The following GAL3ST4 variants were observed in gnomAD, a reference collection of about 807,000 sequenced individuals.
The protein encoded by GAL3ST4 is beta-galactose-3-O-sulfotransferase 4.
Under a neutral mutation model 31.6 loss-of-function variants are expected in GAL3ST4, and 30 were observed. The observed-to-expected ratio is 0.95, with a 90% CI of 0.71 to 1.29. The LOEUF (loss-of-function observed/expected upper bound fraction) is 1.29, where lower values mean the gene tolerates loss of function less well. Among genes scored for constraint, GAL3ST4 ranks in the 50% most tolerant of loss-of-function variants. GAL3ST4 has a pLI of 0.00. For missense variants in GAL3ST4, 629 were observed against 625.2 expected, an observed-to-expected ratio of 1.01 and a Z score of -0.06; for synonymous variants, 248 against 256.9, an observed-to-expected ratio of 0.97 and a Z score of 0.33.
Position 100,160,380 on chromosome 7 carries a change from T to C in GAL3ST4, c.1009A>G (p.Lys337Glu). 6.2e-7 allele frequency: 1 copy of C among 1,614,052 alleles called. No homozygotes were observed. The highest frequency in any genetic ancestry group is 1.1e-5 in the South Asian group (1 of 91,076). Residue 337 changes from lysine to glutamate, a missense_variant, in exon 4 of 4, where the codon AAG becomes GAG. By Grantham distance (56) the Lys-to-Glu change is moderately conservative. Coordinates refer to ENST00000360039, the MANE Select transcript of GAL3ST4 (RefSeq NM_024637.5). ...GFMHNAQAGHKQGLSTVSNSG... is the reference protein window; with the variant it reads ...GFMHNAQAGHEQGLSTVSNSG... ...TTGCTGACAGTGCTGAGGCCCTGCT[T>C]ATGTCCAGCCTGGGCATTGTGCATG...
rs150985601 is a variant in GAL3ST4, at chr7:100,161,138, A to G, written c.430-179T>C. On this transcript the variant is annotated intron_variant, in intron 3 of 3. Transcript: ENST00000360039. The stretch of plus-strand genomic sequence containing the variant: ...AGTTACTTAACATCTCTGAGACTCA[A>G]TTTGCTTATCTGCAAATGGGGATAA... Among the ~76,000 whole-genome samples the G allele has an allele frequency of 2.7e-3, 414 of 152,290 alleles. 5 individuals carry two copies. Among genetic ancestry groups the G allele is most frequent in the African/African-American group, 9.1e-3 (377 of 41,566 alleles).
At chr7:100,161,622 C>T (rs1245501937) in intron 3 of GAL3ST4, among the ~76,000 whole-genome samples, 2 of 140,346 alleles carry the variant, frequency 1.4e-5, no homozygotes, top group Non-Finnish European at 3.0e-5. Flanking sequence ...CTGCACTTGA[C>T]AGCCTGGCCA....
rs965220630 is a variant in GAL3ST4, at chr7:100,160,038, A to G, written c.1351T>C (p.Cys451Arg). The change falls in exon 4 of 4, where the codon TGT becomes CGT. Residue 451 changes from cysteine (C) to arginine (R), a missense_variant. Cys to Arg is a radical substitution (Grantham distance 180, BLOSUM62 -3). Coordinates refer to ENST00000360039, the MANE Select transcript of GAL3ST4 (RefSeq NM_024637.5). Reference sequence around the variant, plus strand: ...AGCTCAGGGGTAGCTAGGCGCTCACATTCCTCTTGGTCTTGGGGGCTCAAT... The same window carrying G: ...AGCTCAGGGGTAGCTAGGCGCTCACGTTCCTCTTGGTCTTGGGGGCTCAAT... ...SGLSPQDQEE[C>R]ERLATPELQY... 8.1e-6 allele frequency: 13 copies of G among 1,614,030 alleles called. No homozygotes were observed. The highest frequency in any genetic ancestry group is 1.6e-4 in the Middle Eastern group (1 of 6,062).
In GAL3ST4 at chr7:100,160,333, G is replaced by A; in HGVS notation, c.1056C>T (p.Asp352=). The change falls in exon 4 of 4, where the codon GAC becomes GAT. Residue 352 remains aspartate, a synonymous_variant. Transcript: ENST00000360039. The part of the protein sequence containing the change: ...TVSNSGLTAE[D]RQLTARARAW... ...CTCGGGCCCGTGCAGTCAGCTGCCG[G>A]TCCTCCGCAGTCAGTCCACTGTTGC... is the stretch of plus-strand genomic sequence containing the variant. The A allele has an allele frequency of 6.2e-7, 1 of 1,613,916 alleles. No individual in the cohort carries two copies. The highest frequency in any genetic ancestry group is 8.5e-7 in the Non-Finnish European group (1 of 1,179,970).
At chr7:100,165,610 C>T (rs555743222) in intron 3 of GAL3ST4, among the ~76,000 whole-genome samples, 8 of 151,814 alleles carry the variant, frequency 5.3e-5, no homozygotes, top group Non-Finnish European at 1.0e-4. Flanking sequence ...GTGGGAGGAT[C>T]ATTTGAGGCC....
chr7:100,164,897 C>G (rs965197994), intron 3 of GAL3ST4, among the ~76,000 whole-genome samples: 14 of 140,726 alleles, frequency 9.9e-5, no homozygotes, highest in African/African-American at 3.4e-4. Context: ...TTTTTTGAGA[C>G]AGAGTCTCAC....
intron 3 of GAL3ST4, among the ~76,000 whole-genome samples, chr7:100,165,636 G>A (rs1799059498): frequency 6.6e-6 from 1 of 151,782 alleles, no homozygotes; most frequent in African/African-American, 2.4e-5. Context: ...GGGCAACATA[G>A]TGAGACTCCA....
chr7:100,161,371 G>A (rs966588774), intron 3 of GAL3ST4, among the ~76,000 whole-genome samples: 15 of 151,992 alleles, frequency 9.9e-5, no homozygotes, highest in African/African-American at 3.4e-4. Context: ...CTAAAAAGCC[G>A]GGCATGGTGG....
Position 100,165,215 on chromosome 7 carries a change from G to C in GAL3ST4, c.429+1287C>G, listed in dbSNP as rs2116973568. 2.6e-5 allele frequency among the ~76,000 whole-genome samples: 4 copies of C among 151,914 alleles called. 1 individual carries two copies. In the South Asian group the frequency reaches 8.3e-4, roughly 32 times the overall value. ...AAATGGAGTCTCGCTCTGTTGCCCA[G>C]GCTGGAGTGCAGTGGCACAATCTCG... On this transcript the variant is annotated intron_variant, in intron 3 of 3. Transcript: ENST00000360039.
chr7:100,164,535 G>A (rs1206118890), intron 3 of GAL3ST4, among the ~76,000 whole-genome samples: 3 of 151,976 alleles, frequency 2.0e-5, no homozygotes, highest in Admixed American at 6.6e-5. Context: ...CGTGGTGGCG[G>A]GTGCCTGTAG....
rs564807878 is a variant in GAL3ST4, at chr7:100,159,602, C to G, written c.*326G>C. 4.4e-6 allele frequency: 1 copy of G among 228,102 alleles called. No homozygotes were observed. The highest frequency in any genetic ancestry group is 2.3e-5 in the African/African-American group (1 of 43,718). The allele number at this position is 228,102 out of a possible 1,614,324, so 14.1% of individuals were successfully genotyped here. On this transcript the variant is annotated 3_prime_UTR_variant, in exon 4 of 4. Transcript: ENST00000360039. ...GGGTATGGTGGCACGTATCTGTAAT[C>G]CTAGCTACTCTGGAGGCTGAGGCAG...
chr7:100,159,869 C>T lies in GAL3ST4; in HGVS notation c.*59G>A. 2.2e-6 allele frequency: 3 copies of T among 1,388,358 alleles called. No homozygotes were observed. The highest frequency in any genetic ancestry group is 3.0e-6 in the Non-Finnish European group (3 of 1,008,518). The allele number at this position is 1,388,358 out of a possible 1,614,324, so 86.0% of individuals were successfully genotyped here. A position where few individuals can be genotyped will look rare whatever the true frequency, so the allele number is the denominator to read the frequency against. On this transcript the variant is annotated 3_prime_UTR_variant, in exon 4 of 4. Coordinates refer to ENST00000360039, the MANE Select transcript of GAL3ST4 (RefSeq NM_024637.5). ...AGAAATGGCATCTTGCTGCCCCCCA[C>T]TCATCACATGTGCCCTTCAAACATG... is the stretch of plus-strand genomic sequence containing the variant.
At chr7:100,161,025 A>G (rs143472420) in intron 3 of GAL3ST4, 66 bp from the exon 4 acceptor site, 290 of 1,378,230 alleles carry the variant, frequency 2.1e-4, no homozygotes, top group Non-Finnish European at 2.5e-4. Context: ...AAGTATGCAC[A>G]AGCCATGTGT....
rs1457701818 is a variant in GAL3ST4, at chr7:100,159,830, C to T, written c.*98G>A. The T allele has an allele frequency of 2.3e-5, 24 of 1,057,924 alleles. No homozygotes were observed. The highest frequency in any genetic ancestry group is 3.1e-5 in the Non-Finnish European group (22 of 718,964). The allele number at this position is 1,057,924 out of a possible 1,614,324, so 65.5% of individuals were successfully genotyped here. ...CTTGCATCGGGACAAAGACTCATCC[C>T]TTCTGGGAGATGCAGAAATGGCATC... On this transcript the variant is annotated 3_prime_UTR_variant, in exon 4 of 4. Transcript: ENST00000360039.
At position 100,166,666 on chromosome 7, in the gene GAL3ST4, A is replaced by G. The variant is rs1241918825; in HGVS notation, c.265T>C (p.Tyr89His). The change falls in exon 3 of 4, where the codon TAT (tyrosine) becomes CAT (histidine). Residue 89 changes from tyrosine (Y) to histidine (H), a missense_variant. By Grantham distance (83) the Tyr-to-His change is moderately conservative (BLOSUM62 2). Coordinates refer to ENST00000360039, the MANE Select transcript of GAL3ST4 (RefSeq NM_024637.5). ...AAGCGCAGCCCGTGCTGGTCCCCATAGCGGTGAAGCAGGCTCAGCACAGAG... is the reference window on the plus strand; with the variant it reads ...AAGCGCAGCCCGTGCTGGTCCCCATGGCGGTGAAGCAGGCTCAGCACAGAG... ...SSSVLSLLHR[Y>H]GDQHGLRFAL... 1.2e-6 allele frequency: 2 copies of G among 1,614,192 alleles called. No homozygotes were observed. The highest frequency in any genetic ancestry group is 1.1e-5 in the South Asian group (1 of 91,092).
rs1337855715 is a variant in GAL3ST4 at position 100,160,129 on chromosome 7, A to G, written c.1260T>C (p.Thr420=). ...ACTGGAAGGGGCGGAACCGGCGATC[A>G]GTGATGTATTTGGGGTCAGAAGCCT... The part of the protein sequence containing the change: ...GGEASDPKYI[T]DRRFRPFQFG... The change falls in exon 4 of 4, where the codon ACT becomes ACC. Residue 420 remains threonine (T), a synonymous_variant. Transcript: ENST00000360039. The G allele has an allele frequency of 1.2e-6, 2 of 1,613,888 alleles. No individual in the cohort carries two copies. The highest frequency in any genetic ancestry group is 2.7e-5 in the African/African-American group (2 of 74,932).
At chr7:100,166,835 T>C in intron 2 of GAL3ST4, 30 bp from the exon 3 acceptor site, 4 of 1,569,284 alleles carry the variant, frequency 2.5e-6, no homozygotes, top group Non-Finnish European at 3.5e-6. Context: ...GAGTGTCCTG[T>C]TCCTCAGCAG....
At position 100,166,571 on chromosome 7, in the gene GAL3ST4, G is replaced by A. The variant is rs773732675; in HGVS notation, c.360C>T (p.Arg120=). The A allele has an allele frequency of 5.0e-6, 8 of 1,614,226 alleles. No homozygotes were observed. Among genetic ancestry groups the A allele is most frequent in the Non-Finnish European group, 6.8e-6 (8 of 1,180,042 alleles). Reference sequence around the variant, plus strand: ...GGAGCTGGGTGCCTCCACCCTGTGGGCGGTAGCCTTTTACCCTAGAGGCCT... The same window carrying A: ...GGAGCTGGGTGCCTCCACCCTGTGGACGGTAGCCTTTTACCCTAGAGGCCT... ...LFQASRVKGY[R]PQGGGTQLPF... is the part of the protein sequence containing the mutation. Residue 120 remains arginine, a synonymous_variant, in exon 3 of 4, where the codon CGC becomes CGT. Transcript: ENST00000360039.
chr7:100,166,421 C>A, intron 3 of GAL3ST4, 81 bp downstream of exon 3: 1 of 1,437,146 alleles, frequency 7.0e-7, no homozygotes, highest in Non-Finnish European at 9.5e-7. Context: ...GGGGAGCCCC[C>A]AGGTCTGGGC....
Sources: allele counts gnomAD v4.1 joint callset (sites outside exome capture counted in the v4.1 genomes callset), GRCh38; gene constraint gnomAD v4.1.1; transcripts MANE v1.5; gene names NCBI Gene and HGNC (gene_info 2026-07-23, HGNC 2026-07-21).